The following TJP2 variants were observed in gnomAD, a reference collection of about 807,000 sequenced individuals.
The protein encoded by TJP2 is tight junction protein 2, also known as Friedreich ataxia region gene X104 (tight junction protein ZO-2).
TJP2 carries 91 observed loss-of-function variants against 133.1 expected under a neutral mutation model. The ratio of observed to expected loss-of-function variants is 0.68; its 90% CI spans 0.58 to 0.81. TJP2 has a LOEUF of 0.81. TJP2 is among the 40% of genes least tolerant of loss of function. The pLI is 0.00. For synonymous variants in TJP2, 592 were observed against 583.4 expected, an observed-to-expected ratio of 1.01 and a Z score of -0.21; for missense variants, 1,541 against 1,565.6, an observed-to-expected ratio of 0.98 and a Z score of 0.26.
chr9:69,228,031 C>G lies in TJP2; in HGVS notation c.1370C>G (p.Thr457Ser). 6.2e-7 allele frequency: 1 copy of G among 1,614,102 alleles called. No homozygotes were observed. Among genetic ancestry groups the G allele is most frequent in the Non-Finnish European group, 8.5e-7 (1 of 1,180,000 alleles). The change falls in exon 9 of 23, where the codon ACT becomes AGT. Residue 457 changes from threonine (T) to serine (S), a missense_variant. Coordinates refer to ENST00000377245, the MANE Select transcript of TJP2 (RefSeq NM_004817.4). ...TTGTCCAGGATGGGTGCGACACCCA[C>G]TCCCTTTAAGTCCACAGGGGATATT... The part of the protein sequence containing the change: ...SRLSRMGATP[T>S]PFKSTGDIAG...
intron 2 of TJP2, among the ~76,000 whole-genome samples, chr9:69,157,408 A>G (rs1823824437): frequency 6.6e-6 from 1 of 152,096 alleles, no homozygotes; most frequent in African/African-American, 2.4e-5. Flanking sequence ...AGAAATTAAC[A>G]TAAATTATTG....
intron 1 of TJP2, among the ~76,000 whole-genome samples, chr9:69,137,296 T>TC (rs1822809817): frequency 2.4e-5 from 1 of 40,846 alleles, no homozygotes; most frequent in Non-Finnish European, 5.2e-5. Context: ...TCTTTCTTTC[T>TC]TTCTTTTCTT....
At chr9:69,202,919 A>T (rs769633050) in intron 1 of TJP2, among the ~76,000 whole-genome samples, 1 of 152,234 alleles carries the variant, frequency 6.6e-6, no homozygotes, top group Non-Finnish European at 1.5e-5. Context: ...TAGGTTATAT[A>T]TTCTTCAGCA....
At chr9:69,159,149 A>T (rs1823927024) in intron 2 of TJP2, among the ~76,000 whole-genome samples, 1 of 151,896 alleles carries the variant, frequency 6.6e-6, no homozygotes. Flanking sequence ...TACAAAAAAT[A>T]CCAAAAAGAA....
At chr9:69,178,842 A>T (rs1465003006) in intron 1 of TJP2, among the ~76,000 whole-genome samples, 1 of 152,196 alleles carries the variant, frequency 6.6e-6, no homozygotes, top group Non-Finnish European at 1.5e-5. Flanking sequence ...GAAGGACATC[A>T]CTGTATTATC....
chr9:69,196,961 A>G (rs1826621198), intron 1 of TJP2, among the ~76,000 whole-genome samples: 1 of 151,410 alleles, frequency 6.6e-6, no homozygotes, highest in African/African-American at 2.4e-5. Context: ...ACACACACAC[A>G]CACACACACA....
chr9:69,167,099 G>A (rs1587949495), intron 2 of TJP2, among the ~76,000 whole-genome samples: 1 of 151,946 alleles, frequency 6.6e-6, no homozygotes, highest in East Asian at 1.9e-4. Context: ...AAATTAGCTG[G>A]GCGTGGTGGC....
chr9:69,250,093 AATTTATT>A (rs1287520415), intron 20 of TJP2, among the ~76,000 whole-genome samples: 10 of 152,080 alleles, frequency 6.6e-5, no homozygotes, highest in Non-Finnish European at 1.3e-4. Flanking sequence ...TTAACTCAAT[AATTTATT>A]ATTTATTATT....
rs571010032 is a variant in TJP2 at position 69,136,931 on chromosome 9, C to G, written c.-130-14720C>G. Among the ~76,000 whole-genome samples the G allele has an allele frequency of 1.0e-3, 153 of 152,284 alleles. 1 individual carries two copies. The highest frequency in any genetic ancestry group is 3.6e-3 in the African/African-American group (149 of 41,566). On this transcript the variant is annotated intron_variant, in intron 1 of 5. Coordinates refer to the TJP2 transcript ENST00000423935. ...TTGGGGGTGTGGGACCCTCCTGTCTCCGAGGAAGCAGCACCACTGCTCAGG... is the reference window on the plus strand; with the variant it reads ...TTGGGGGTGTGGGACCCTCCTGTCTGCGAGGAAGCAGCACCACTGCTCAGG...
chr9:69,139,860 C>G (rs1040924636), intron 1 of TJP2, among the ~76,000 whole-genome samples: 1 of 152,148 alleles, frequency 6.6e-6, no homozygotes, highest in Non-Finnish European at 1.5e-5. Flanking sequence ...TCCATAGGGC[C>G]CTATACTGCC....
intron 1 of TJP2, among the ~76,000 whole-genome samples, chr9:69,134,536 A>G (rs966452710): frequency 1.3e-5 from 2 of 152,160 alleles, no homozygotes; most frequent in African/African-American, 4.8e-5. Context: ...ATAGTGAAGC[A>G]GTGGTCACTG....
At chr9:69,146,193 C>T (rs909345536) in intron 1 of TJP2, among the ~76,000 whole-genome samples, 1 of 152,138 alleles carries the variant, frequency 6.6e-6, no homozygotes, top group African/African-American at 2.4e-5. Flanking sequence ...AAGTGTTTTT[C>T]TGATTAAAGT....
intron 1 of TJP2, among the ~76,000 whole-genome samples, chr9:69,137,279 CTTT>C (rs1564372563): frequency 3.0e-5 from 3 of 99,292 alleles, no homozygotes; most frequent in African/African-American, 1.3e-4. Flanking sequence ...CTTTTTCTTT[CTTT>C]CTTTCTTTCT....
intron 5 of TJP2, among the ~76,000 whole-genome samples, chr9:69,223,498 G>A (rs1435218420): frequency 6.6e-6 from 1 of 152,142 alleles, no homozygotes; most frequent in African/African-American, 2.4e-5. Context: ...AAGTAGAGAC[G>A]GGGTTTCACC....
chr9:69,248,029 T>C lies in TJP2; in HGVS notation c.2685T>C (p.Asp895=). 2 of 1,608,132 alleles carry C rather than the reference T, an allele frequency of 1.2e-6. No individual in the cohort carries two copies. Among genetic ancestry groups the C allele is most frequent in the Middle Eastern group, 1.7e-4 (1 of 6,032 alleles). Residue 895 remains aspartate, a synonymous_variant, in exon 19 of 23, where the codon GAT becomes GAC. Transcript: ENST00000377245. ...VSEGKMEGMD[D]DPEDRMSYLT... is the part of the protein sequence containing the mutation. ...TCCTCTAGATGGAAGGGATGGATGA[T>C]GACCCCGAAGACCGCATGTCCTACT... is the stretch of plus-strand genomic sequence containing the variant.
rs1051606940 is a variant in TJP2 at position 69,221,023 on chromosome 9, G to A, written c.479G>A (p.Arg160Gln). The change falls in exon 5 of 23, where the codon CGG becomes CAG. Residue 160 changes from arginine (R) to glutamine (Q), a missense_variant. Physicochemically the swap from Arg to Gln is conservative, Grantham distance 43. Coordinates refer to ENST00000377245, the MANE Select transcript of TJP2 (RefSeq NM_004817.4). ...CGGAGTGGCTACAGCGAGAGGAGCC[G>A]GCTGAACAGCCATGGGGGGCGCAGC... ...SFRSGYSERS[R>Q]LNSHGGRSRS... 2 of 1,609,802 alleles carry A rather than the reference G, an allele frequency of 1.2e-6. No homozygotes were observed. Among genetic ancestry groups the A allele is most frequent in the Non-Finnish European group, 1.7e-6 (2 of 1,178,722 alleles).
chr9:69,216,988 T>G (rs1479714540), intron 3 of TJP2, among the ~76,000 whole-genome samples: 1 of 65,232 alleles, frequency 1.5e-5, no homozygotes, highest in Non-Finnish European at 2.8e-5. Context: ...TTTTTTCTTT[T>G]CTTTTTTTTT....
At chr9:69,213,895 G>A (rs1828141110) in intron 2 of TJP2, among the ~76,000 whole-genome samples, 1 of 152,164 alleles carries the variant, frequency 6.6e-6, no homozygotes, top group Admixed American at 6.6e-5. Context: ...GTGATTAATA[G>A]ACAACACCCC....
At chr9:69,176,565 G>A (rs772488743) in intron 1 of TJP2, among the ~76,000 whole-genome samples, 1 of 152,196 alleles carries the variant, frequency 6.6e-6, no homozygotes. Flanking sequence ...CAAAAGAAGC[G>A]AACCAGTTTC....
Sources: allele counts gnomAD v4.1 joint callset (sites outside exome capture counted in the v4.1 genomes callset), GRCh38; gene constraint gnomAD v4.1.1; transcripts MANE v1.5; gene names NCBI Gene and HGNC (gene_info 2026-07-23, HGNC 2026-07-21).